Variants in CD33 observed in about 807,000 individuals in gnomAD.
The protein encoded by CD33 is myeloid cell surface antigen CD33.
CD33 carries 25 observed loss-of-function variants against 31.4 expected under a neutral mutation model. The observed-to-expected ratio is 0.80, with a 90% CI of 0.58 to 1.11. CD33 has a LOEUF of 1.11. Ranked by LOEUF, CD33 falls within the 50% of genes most tolerant of loss-of-function variation. The probability of loss-of-function intolerance (pLI) is 0.00; values close to 1 mark genes in which losing one functional copy is unlikely to be tolerated. For synonymous variants in CD33, 176 were observed against 180.6 expected (o/e 0.97, Z 0.20); for missense variants, 407 against 448.1 (o/e 0.91, Z 0.83).
chr19:51,227,316 A>G lies in CD33; in HGVS notation c.745+960A>G, dbSNP rs551305027. Among the ~76,000 whole-genome samples, 11 of 152,262 alleles carry G rather than the reference A, an allele frequency of 7.2e-5. No individual in the cohort carries two copies. The East Asian group carries it at 1.9e-3, about 27-fold the overall frequency. Reference sequence around the variant, plus strand: ...CCATACTCTTCTCCATAGTGGTTATACTAGTTTACATTCTGGTCAAAAGTA... The same window carrying G: ...CCATACTCTTCTCCATAGTGGTTATGCTAGTTTACATTCTGGTCAAAAGTA... On this transcript the variant is annotated intron_variant, in intron 4 of 6. Transcript: ENST00000262262.
chr19:51,230,852 G>A (rs1981354020), intron 4 of CD33, among the ~76,000 whole-genome samples: 1 of 152,204 alleles, frequency 6.6e-6, no homozygotes, highest in African/African-American at 2.4e-5. Context: ...CTTGGAACAT[G>A]TCCTGGGTCC....
chr19:51,226,138 C>T lies in CD33; in HGVS notation c.697+57C>T, dbSNP rs891667100. On this transcript the variant is annotated intron_variant, in intron 3 of 6. Coordinates refer to ENST00000262262, the MANE Select transcript of CD33 (RefSeq NM_001772.4). ...GAGGGTGTAGGGGAGACAGGATGGG[C>T]TGGTGCTGGGGACATTTAGTGTCCT... 1.0e-5 allele frequency: 16 copies of T among 1,587,946 alleles called. No individual in the cohort carries two copies. In the Admixed American group the frequency reaches 2.7e-4, roughly 27 times the overall value.
chr19:51,215,195 GA>G, the CD33 span, among the ~76,000 whole-genome samples: 403 of 152,230 alleles, frequency 2.6e-3, no homozygotes, highest in African/African-American at 8.1e-3. Context: ...CTCAATCATG[GA>G]GATACTCAAA....
intron 2 of CD33, 24 bp downstream of exon 2, chr19:51,225,622 G>T: frequency 6.5e-7 from 1 of 1,539,218 alleles, no homozygotes; most frequent in Non-Finnish European, 8.7e-7. Flanking sequence ...TTCAGAAGTG[G>T]CCGCAAGGGA....
At chr19:51,213,507 T>C in the CD33 span, among the ~76,000 whole-genome samples, 7 of 152,188 alleles carry the variant, frequency 4.6e-5, no homozygotes, top group East Asian at 1.9e-4. Context: ...TTCTTTTCTT[T>C]TGTTTTGTTT....
intron 4 of CD33, among the ~76,000 whole-genome samples, chr19:51,234,506 T>G (rs1009980679): frequency 1.3e-5 from 2 of 152,166 alleles, no homozygotes; most frequent in East Asian, 3.9e-4. Flanking sequence ...CACTGCCCTA[T>G]TCCAATTAAT....
intron 6 of CD33, chr19:51,239,298 AGTCTCT>A: frequency 2.6e-6 from 1 of 387,576 alleles, no homozygotes; most frequent in South Asian, 9.2e-5. Flanking sequence ...TTTCCACATT[AGTCTCT>A]GTGAGTATTC....
chr19:51,226,599 A>C (rs1981053060), intron 4 of CD33, among the ~76,000 whole-genome samples: 1 of 152,128 alleles, frequency 6.6e-6, no homozygotes, highest in Non-Finnish European at 1.5e-5. Context: ...TTTTTAATTG[A>C]TATGTAATAA....
intron 6 of CD33, 23 bp from the exon 7 acceptor site, chr19:51,239,495 C>A (rs763641050): frequency 7.0e-6 from 11 of 1,562,010 alleles, no homozygotes; most frequent in Non-Finnish European, 9.5e-6. Context: ...CCTGCTCTAA[C>A]CCCCTTCTTT....
At chr19:51,235,454 G>A (rs1981715603) in intron 5 of CD33, 141 bp from the exon 6 acceptor site, 4 of 1,425,202 alleles carry the variant, frequency 2.8e-6, no homozygotes, top group Non-Finnish European at 9.3e-7. Flanking sequence ...GAGGTAGAGG[G>A]AGACCTTGTG....
Position 51,226,074 on chromosome 19 carries a change from C to T in CD33, c.690C>T (p.Asn230=), listed in dbSNP as rs781358706. ...GVTTERTIQL[N]VTYVPQNPTT... is the part of the protein sequence containing the mutation. The stretch of plus-strand genomic sequence containing the variant: ...CTACGGAGAGAACCATCCAGCTCAA[C>T]GTCACCTGTAAGTGCTGGGCCAGGA... The change falls in exon 3 of 7, where the codon AAC becomes AAT. Residue 230 remains asparagine, a synonymous_variant. Transcript: ENST00000262262. 32 of 1,613,712 alleles carry T rather than the reference C, an allele frequency of 2.0e-5. No individual in the cohort carries two copies. Among genetic ancestry groups the T allele is most frequent in the Admixed American group, 8.3e-5 (5 of 59,984 alleles).
chr19:51,216,440 T>A, the CD33 span, among the ~76,000 whole-genome samples: 1 of 152,164 alleles, frequency 6.6e-6, no homozygotes, highest in Non-Finnish European at 1.5e-5. Context: ...CTGGGCATCG[T>A]GGCTCACACC....
At chr19:51,239,326 G>A (rs577995777) in intron 6 of CD33, 192 bp from the exon 7 acceptor site, 19 of 426,352 alleles carry the variant, frequency 4.5e-5, no homozygotes, top group South Asian at 7.3e-5. Flanking sequence ...AGAGAATTGC[G>A]AATCAATCAA....
upstream of CD33, among the ~76,000 whole-genome samples, chr19:51,222,873 A>T (rs12974009): frequency 1.9e-4 from 29 of 152,346 alleles, no homozygotes; most frequent in Admixed American, 2.6e-4. Context: ...AGACTCACAT[A>T]TTCATATTTG....
chr19:51,231,601 A>ATTTTTTTTTT (rs35977870), intron 4 of CD33, among the ~76,000 whole-genome samples: 1 of 133,894 alleles, frequency 7.5e-6, no homozygotes. Flanking sequence ...TGGTTGGCTG[A>ATTTTTTTTTT]TGTTTTTTTT....
At chr19:51,229,260 T>C (rs954131504) in intron 4 of CD33, among the ~76,000 whole-genome samples, 41 of 152,372 alleles carry the variant, frequency 2.7e-4, no homozygotes, top group African/African-American at 8.9e-4. Flanking sequence ...TCATGGTATG[T>C]TATCTTTTTG....
intron 4 of CD33, among the ~76,000 whole-genome samples, chr19:51,233,540 T>G (rs1163637125): frequency 1.3e-5 from 2 of 152,226 alleles, no homozygotes; most frequent in Non-Finnish European, 2.9e-5. Context: ...ACTCCAGAGA[T>G]GGCTGTGGTC....
At chr19:51,226,460 C>T (rs1027743998) in intron 4 of CD33, 104 bp downstream of exon 4, 2 of 970,668 alleles carry the variant, frequency 2.1e-6, no homozygotes, top group Non-Finnish European at 3.3e-6. Flanking sequence ...GCAAGGCCTG[C>T]AGTTAGACAC....
At chr19:51,230,675 A>G (rs1047092799) in intron 4 of CD33, among the ~76,000 whole-genome samples, 1 of 152,218 alleles carries the variant, frequency 6.6e-6, no homozygotes, top group African/African-American at 2.4e-5. Context: ...AAGTATAGCT[A>G]TTCCTGCTTC....
Sources: allele counts gnomAD v4.1 joint callset (sites outside exome capture counted in the v4.1 genomes callset), GRCh38; gene constraint gnomAD v4.1.1; transcripts MANE v1.5; gene names NCBI Gene and HGNC (gene_info 2026-07-23, HGNC 2026-07-21).